Variants in COL24A1 observed in about 807,000 individuals in gnomAD.
COL24A1 encodes collagen alpha-1(XXIV) chain.
COL24A1 carries 224 observed loss-of-function variants against 253.9 expected under a neutral mutation model. The ratio of observed to expected loss-of-function variants is 0.88; its 90% CI spans 0.79 to 0.99. The LOEUF (loss-of-function observed/expected upper bound fraction) is 0.99. Ranked by LOEUF, COL24A1 falls within the 50% of genes least tolerant of loss-of-function variation. The probability of loss-of-function intolerance (pLI) is 0.00; values close to 1 mark genes in which losing one functional copy is unlikely to be tolerated. For missense variants in COL24A1, 2,131 were observed against 2,068.5 expected (o/e 1.03, Z -0.59); for synonymous variants, 685 against 673.7 (o/e 1.02, Z -0.26).
intron 24 of COL24A1, among the ~76,000 whole-genome samples, chr1:85,911,983 A>C (rs559341186): frequency 6.6e-6 from 1 of 152,324 alleles, no homozygotes; most frequent in East Asian, 1.9e-4. Context: ...ACAGGGAGAC[A>C]AAAGCAACTA....
intron 3 of COL24A1, among the ~76,000 whole-genome samples, chr1:86,117,118 T>C (rs1706224165): frequency 6.6e-6 from 1 of 152,178 alleles, no homozygotes; most frequent in African/African-American, 2.4e-5. Context: ...TCTAGTTTGG[T>C]TTAGTGTCCT....
At chr1:86,141,478 C>T (rs1035160699) in intron 2 of COL24A1, among the ~76,000 whole-genome samples, 1 of 152,142 alleles carries the variant, frequency 6.6e-6, no homozygotes, top group Non-Finnish European at 1.5e-5. Context: ...ATCCTCCCCC[C>T]ATCAACCCAA....
chr1:86,039,225 G>T (rs558328198), intron 12 of COL24A1, among the ~76,000 whole-genome samples: 66 of 152,240 alleles, frequency 4.3e-4, no homozygotes, highest in African/African-American at 1.5e-3. Flanking sequence ...ATCAAACATG[G>T]TAGTTATTAA....
intron 37 of COL24A1, among the ~76,000 whole-genome samples, chr1:85,854,665 T>C (rs1042999109): frequency 1.3e-5 from 2 of 152,104 alleles, no homozygotes; most frequent in East Asian, 3.9e-4. Context: ...GTAATTCTAA[T>C]TGTAGAGATC....
At chr1:85,768,412 G>C (rs986811131) in intron 53 of COL24A1, among the ~76,000 whole-genome samples, 2 of 152,098 alleles carry the variant, frequency 1.3e-5, no homozygotes, top group Non-Finnish European at 2.9e-5. Context: ...ATCGTAGTGG[G>C]GGAAAAGTGG....
intron 22 of COL24A1, among the ~76,000 whole-genome samples, chr1:85,969,503 G>A (rs755808113): frequency 1.9e-4 from 28 of 150,304 alleles, no homozygotes; most frequent in Non-Finnish European, 3.5e-4. Flanking sequence ...TACTCGGGAG[G>A]CTGAGGCAGG....
chr1:85,775,620 G>T, intron 53 of COL24A1, 54 bp downstream of exon 53: 1 of 1,422,232 alleles, frequency 7.0e-7, no homozygotes, highest in East Asian at 2.3e-5. Context: ...TGCTTTCATG[G>T]AGCTTATAGC....
chr1:86,121,050 C>G (rs1381725822), intron 3 of COL24A1, among the ~76,000 whole-genome samples: 1 of 152,134 alleles, frequency 6.6e-6, no homozygotes, highest in Non-Finnish European at 1.5e-5. Context: ...GACAGAAAAC[C>G]AAACATCTCA....
chr1:86,089,825 T>C (rs1459942401), intron 6 of COL24A1, among the ~76,000 whole-genome samples: 1 of 152,056 alleles, frequency 6.6e-6, no homozygotes, highest in Non-Finnish European at 1.5e-5. Flanking sequence ...TGTCTCTGTC[T>C]CAGACAAAAA....
chr1:85,986,288 G>A (rs1217547111), intron 20 of COL24A1, among the ~76,000 whole-genome samples: 1 of 151,732 alleles, frequency 6.6e-6, no homozygotes. Context: ...AATATCTGCT[G>A]AATGAATGTC....
chr1:86,022,712 A>C (rs1697662712), intron 16 of COL24A1, 121 bp from the exon 17 acceptor site: 1 of 1,264,190 alleles, frequency 7.9e-7, no homozygotes, highest in African/African-American at 1.5e-5. Flanking sequence ...GAGGAAAACT[A>C]ATATAATTGA....
chr1:85,948,426 AG>A (rs1305989627), intron 24 of COL24A1, among the ~76,000 whole-genome samples: 3 of 145,244 alleles, frequency 2.1e-5, no homozygotes, highest in African/African-American at 7.6e-5. Flanking sequence ...CGGGAGGCTG[AG>A]GCAGGAGAAT....
At chr1:85,834,446 G>T (rs931467692) in intron 43 of COL24A1, among the ~76,000 whole-genome samples, 1 of 152,170 alleles carries the variant, frequency 6.6e-6, no homozygotes, top group Non-Finnish European at 1.5e-5. Context: ...ATTAAATTTG[G>T]AAAGGATGAG....
chr1:85,744,909 G>T, intron 56 of COL24A1, 75 bp from the exon 57 acceptor site: 2 of 1,128,430 alleles, frequency 1.8e-6, no homozygotes, highest in Non-Finnish European at 2.5e-6. Flanking sequence ...GGAGAAGAAT[G>T]TGTTTCCATT....
At chr1:85,823,801 T>C in intron 43 of COL24A1, 63 bp from the exon 44 acceptor site, 2 of 1,403,882 alleles carry the variant, frequency 1.4e-6, no homozygotes, top group Non-Finnish European at 2.0e-6. Flanking sequence ...GAGAATAGGA[T>C]ACTATCACTT....
intron 19 of COL24A1, among the ~76,000 whole-genome samples, chr1:86,006,793 T>TA (rs1365951564): frequency 7.3e-5 from 11 of 151,124 alleles, no homozygotes; most frequent in Admixed American, 2.0e-4. Flanking sequence ...ACTCAACAAT[T>TA]AAAAAAAACA....
chr1:85,794,023 AT>A (rs1670570840), intron 47 of COL24A1, among the ~76,000 whole-genome samples: 1 of 152,164 alleles, frequency 6.6e-6, no homozygotes, highest in Non-Finnish European at 1.5e-5. Context: ...AGCAAAAAAA[AT>A]AAAGTAAAAA....
chr1:85,886,793 C>T (rs966179231), intron 32 of COL24A1, among the ~76,000 whole-genome samples: 15 of 152,092 alleles, frequency 9.9e-5, no homozygotes, highest in African/African-American at 3.4e-4. Flanking sequence ...CCTTTTACTT[C>T]ATTAAGGTGG....
intron 35 of COL24A1, among the ~76,000 whole-genome samples, chr1:85,873,342 A>G (rs1245696717): frequency 1.3e-5 from 2 of 152,186 alleles, no homozygotes; most frequent in African/African-American, 2.4e-5. Flanking sequence ...TACTGGGTGT[A>G]TACCCAAAGG....
Sources: allele counts gnomAD v4.1 joint callset (sites outside exome capture counted in the v4.1 genomes callset), GRCh38; gene constraint gnomAD v4.1.1; transcripts MANE v1.5; gene names NCBI Gene and HGNC (gene_info 2026-07-23, HGNC 2026-07-21).